ORC5: variants seen among roughly 807,000 people sequenced by gnomAD.
The protein encoded by ORC5 is origin recognition complex subunit 5, also known as protein phosphatase 1, regulatory subunit 117.
In ORC5, 39 loss-of-function variants were observed where a neutral mutation model predicts 58.8. The observed-to-expected ratio is 0.66, with a 90% CI of 0.51 to 0.87. ORC5 has a LOEUF of 0.87. Among genes scored for constraint, ORC5 ranks in the 40% least tolerant of loss-of-function variants. ORC5 has a pLI of 0.00. For missense variants in ORC5, 493 were observed against 506.3 expected (o/e 0.97, Z 0.25); for synonymous variants, 218 against 177.6 (o/e 1.23, Z -1.81).
chr7:104,176,604 C>T (rs1195715798), intron 8 of ORC5, among the ~76,000 whole-genome samples: 5 of 151,944 alleles, frequency 3.3e-5, no homozygotes, highest in African/African-American at 1.2e-4. Flanking sequence ...ATGGACGTGT[C>T]TAGCCTCCCT....
In ORC5 at chr7:104,158,141, T is replaced by C. The variant is rs570876415; in HGVS notation, c.1149+2931A>G. Among the ~76,000 whole-genome samples the C allele has an allele frequency of 3.3e-5, 5 of 152,212 alleles. No individual in the cohort carries two copies. In the East Asian group the frequency reaches 9.6e-4, roughly 29 times the overall value. On this transcript the variant is annotated intron_variant, in intron 12 of 13. Transcript: ENST00000297431. ...GCCAAGCCTCATTTTTCATCTTCTGTGAACTCTTTCAACCTGCCCAATCTA... is the reference window on the plus strand; with the variant it reads ...GCCAAGCCTCATTTTTCATCTTCTGCGAACTCTTTCAACCTGCCCAATCTA...
intron 8 of ORC5, among the ~76,000 whole-genome samples, chr7:104,168,923 A>C (rs6950326): frequency 0.044 from 6,757 of 152,152 alleles, 498 homozygotes; most frequent in African/African-American, 0.15. Context: ...CTCTATTAAA[A>C]ATACAAAAAT....
At chr7:104,179,474 G>A (rs987692841) in intron 8 of ORC5, among the ~76,000 whole-genome samples, 3 of 151,806 alleles carry the variant, frequency 2.0e-5, no homozygotes, top group African/African-American at 7.3e-5. Context: ...ATTAAACTTC[G>A]ACATAAATAT....
intron 12 of ORC5, among the ~76,000 whole-genome samples, chr7:104,140,577 G>C (rs17377164): frequency 0.15 from 23,279 of 152,096 alleles, 2,045 homozygotes; most frequent in East Asian, 0.23. Context: ...TCTGAAATTT[G>C]TTGAGGCAGC....
intron 1 of ORC5, among the ~76,000 whole-genome samples, chr7:104,204,581 A>T (rs1191315305): frequency 7.1e-6 from 1 of 140,476 alleles, no homozygotes; most frequent in Non-Finnish European, 1.6e-5. Context: ...CTCCATTTTT[A>T]TATTACTCCT....
At chr7:104,182,468 GT>G (rs974718200) in intron 8 of ORC5, among the ~76,000 whole-genome samples, 1 of 151,962 alleles carries the variant, frequency 6.6e-6, no homozygotes, top group African/African-American at 2.4e-5. Flanking sequence ...AGATTCTTTA[GT>G]CCATCTAGTG....
rs772673766 is a variant in ORC5 at position 104,188,349 on chromosome 7, G to A, written c.586C>T (p.Pro196Ser). 1.2e-6 allele frequency: 2 copies of A among 1,609,900 alleles called. No homozygotes were observed. The highest frequency in any genetic ancestry group is 1.7e-5 in the Admixed American group (1 of 59,974). Residue 196 changes from proline (P) to serine (S), a missense_variant, in exon 6 of 14, where the codon CCT (proline) becomes TCT (serine). By Grantham distance (74) the Pro-to-Ser change is moderately conservative. Around this residue, in one of 3 missense-constraint regions of ORC5, gnomAD observed 412 missense variants for 403.7 expected, o/e 1.02. Transcript: ENST00000297431. ...NLQKILSHDH[P>S]PEYSADFYAA... ...TAGAAATCAGCTGAATACTCTGGAGGATGATCATGGGACAGGATCTTTTGA... is the reference window on the plus strand; with the variant it reads ...TAGAAATCAGCTGAATACTCTGGAGAATGATCATGGGACAGGATCTTTTGA...
At chr7:104,199,577 C>T (rs1390302551) in intron 3 of ORC5, among the ~76,000 whole-genome samples, 1 of 152,214 alleles carries the variant, frequency 6.6e-6, no homozygotes, top group Admixed American at 6.5e-5. Context: ...GCCAATTTCT[C>T]CCATTTGAAA....
At chr7:104,169,688 G>A (rs1008059406) in intron 8 of ORC5, among the ~76,000 whole-genome samples, 3 of 151,948 alleles carry the variant, frequency 2.0e-5, no homozygotes, top group Non-Finnish European at 4.4e-5. Context: ...GATGAGTGTG[G>A]GCCTTCTTTG....
At chr7:104,189,660 T>C (rs1799629428) in intron 5 of ORC5, among the ~76,000 whole-genome samples, 1 of 152,036 alleles carries the variant, frequency 6.6e-6, no homozygotes, top group Admixed American at 6.6e-5. Flanking sequence ...AGTAAATATA[T>C]CCACATGCTG....
intron 3 of ORC5, among the ~76,000 whole-genome samples, chr7:104,198,633 G>C (rs940240068): frequency 1.3e-5 from 2 of 152,232 alleles, no homozygotes; most frequent in African/African-American, 4.8e-5. Flanking sequence ...ATTTAAAAGG[G>C]AAGCAGAGCA....
Position 104,145,372 on chromosome 7 carries a change from T to A in ORC5, c.1150-8479A>T, listed in dbSNP as rs145576995. Reference sequence around the variant, plus strand: ...AGTCTGTAGTTCCAGCATGGAATAATAAATTGAAATATTTTGCAGTAAATA... The same window carrying A: ...AGTCTGTAGTTCCAGCATGGAATAAAAAATTGAAATATTTTGCAGTAAATA... On this transcript the variant is annotated intron_variant, in intron 12 of 13. Coordinates refer to ENST00000297431, the MANE Select transcript of ORC5 (RefSeq NM_002553.4). Among the ~76,000 whole-genome samples the A allele has an allele frequency of 1.1e-3, 173 of 152,278 alleles. 1 individual carries two copies. The East Asian group carries it at 0.018, about 16-fold the overall frequency.
rs550930334 is a variant in ORC5 at position 104,154,173 on chromosome 7, C to T, written c.1149+6899G>A. On this transcript the variant is annotated intron_variant, in intron 12 of 13. Transcript: ENST00000297431. ...TAGGCCATATACAATATACTGATTA[C>T]TTCTCCATAACTTAAGTTCCAAGTC... Among the ~76,000 whole-genome samples, 454 of 152,146 alleles carry T rather than the reference C, an allele frequency of 3.0e-3. 1 individual carries two copies. The highest frequency in any genetic ancestry group is 6.0e-3 in the Admixed American group (91 of 15,274).
chr7:104,137,007 G>T, intron 12 of ORC5, 114 bp from the exon 13 acceptor site: 1 of 693,324 alleles, frequency 1.4e-6, no homozygotes, highest in Non-Finnish European at 2.4e-6. Flanking sequence ...AAAAACGTCT[G>T]CAAAGAAAAT....
At chr7:104,168,547 A>G (rs754327547) in intron 8 of ORC5, 22 bp from the exon 9 acceptor site, 5 of 1,406,196 alleles carry the variant, frequency 3.6e-6, no homozygotes, top group South Asian at 1.3e-5. Flanking sequence ...TAGAAGAGCA[A>G]AAATGAATTA....
At chr7:104,195,368 A>G in intron 4 of ORC5, 114 bp from the exon 5 acceptor site, 1 of 549,086 alleles carries the variant, frequency 1.8e-6, no homozygotes, top group Non-Finnish European at 3.2e-6. Flanking sequence ...ACCTATAACA[A>G]ATTATTTGCA....
intron 12 of ORC5, among the ~76,000 whole-genome samples, chr7:104,145,727 G>C (rs1410566023): frequency 6.6e-6 from 1 of 152,142 alleles, no homozygotes; most frequent in East Asian, 1.9e-4. Context: ...GGTAGAAAGA[G>C]GTAGGTGGGC....
At chr7:104,206,321 C>T (rs1281063594) in intron 1 of ORC5, among the ~76,000 whole-genome samples, 1 of 152,182 alleles carries the variant, frequency 6.6e-6, no homozygotes, top group East Asian at 1.9e-4. Context: ...GTATTTCCCA[C>T]ATGCACAGCA....
chr7:104,167,155 T>A (rs1373687746), intron 9 of ORC5, among the ~76,000 whole-genome samples: 2 of 152,158 alleles, frequency 1.3e-5, no homozygotes, highest in Non-Finnish European at 2.9e-5. Context: ...ACGCTCTCCA[T>A]TAAACCCCTG....
Sources: allele counts gnomAD v4.1 joint callset (sites outside exome capture counted in the v4.1 genomes callset), GRCh38; gene constraint gnomAD v4.1.1; regional missense constraint gnomAD v4.1.1; transcripts MANE v1.5; gene names NCBI Gene and HGNC (gene_info 2026-07-23, HGNC 2026-07-21).